SYN3: variants seen among roughly 807,000 people sequenced by gnomAD.
The protein encoded by SYN3 is synapsin III.
In SYN3, 35 loss-of-function variants were observed where a neutral mutation model predicts 65.8. The observed-to-expected ratio is 0.53, with a 90% CI of 0.41 to 0.70. SYN3 has a LOEUF of 0.70. Ranked by LOEUF, SYN3 falls within the 30% of genes least tolerant of loss-of-function variation. The probability of loss-of-function intolerance (pLI) is 0.00; values close to 1 mark genes in which losing one functional copy is unlikely to be tolerated. For missense variants in SYN3, 680 were observed against 749.0 expected, an observed-to-expected ratio of 0.91 and a Z score of 1.08; for synonymous variants, 270 against 292.9, an observed-to-expected ratio of 0.92 and a Z score of 0.80.
At chr22:32,718,425 A>AC (rs1421476189) in intron 6 of SYN3, among the ~76,000 whole-genome samples, 2 of 151,588 alleles carry the variant, frequency 1.3e-5, no homozygotes, top group Non-Finnish European at 1.5e-5. Flanking sequence ...CACTGGTAGG[A>AC]CCCGAGGTGT....
intron 4 of SYN3, among the ~76,000 whole-genome samples, chr22:32,910,967 A>G (rs2050036297): frequency 6.6e-6 from 1 of 152,200 alleles, no homozygotes; most frequent in African/African-American, 2.4e-5. Context: ...TGGAGGGAGA[A>G]CCTGAATCCA....
intron 4 of SYN3, among the ~76,000 whole-genome samples, chr22:32,874,278 G>A (rs988257353): frequency 5.9e-5 from 9 of 152,162 alleles, no homozygotes; most frequent in East Asian, 1.9e-4. Context: ...AAACTGGCAC[G>A]TCCTGGCCGC....
chr22:32,980,607 G>C (rs570393854), intron 3 of SYN3, 38 bp downstream of exon 3: 8 of 1,599,844 alleles, frequency 5.0e-6, no homozygotes, highest in South Asian at 1.1e-5. Context: ...CGGCAGAAAA[G>C]GTCAGTTGAC....
chr22:32,971,858 G>A (rs1351290191), intron 3 of SYN3, among the ~76,000 whole-genome samples: 1 of 152,164 alleles, frequency 6.6e-6, no homozygotes, highest in Non-Finnish European at 1.5e-5. Flanking sequence ...GAAAAGAAAG[G>A]AAGCAGGACT....
At position 32,513,042 on chromosome 22, in the gene SYN3, T is replaced by C. The variant is rs963890823; in HGVS notation, c.*650A>G. 2 of 152,130 alleles carry C rather than the reference T, an allele frequency of 1.3e-5. No homozygotes were observed. Among genetic ancestry groups the C allele is most frequent in the African/African-American group, 4.8e-5 (2 of 41,360 alleles). 9.4% of individuals were successfully genotyped at this position (152,130 alleles called of 1,614,324 possible). On this transcript the variant is annotated 3_prime_UTR_variant, in exon 14 of 14. Coordinates refer to ENST00000358763, the MANE Select transcript of SYN3 (RefSeq NM_003490.4). The stretch of plus-strand genomic sequence containing the variant: ...TACAAGGGCCCCCCTGTTTCTGTCG[T>C]GTTCTGAAAGACCCCACTTGTCATA...
chr22:32,731,619 G>A (rs2061271287), intron 6 of SYN3, among the ~76,000 whole-genome samples: 1 of 152,206 alleles, frequency 6.6e-6, no homozygotes, highest in Admixed American at 6.5e-5. Flanking sequence ...GCCAGCAAGT[G>A]TCATGGGGTG....
At position 32,515,450 on chromosome 22, in the gene SYN3, GGTT is replaced by G. The variant is rs2057755612; in HGVS notation, c.1611-1629_1611-1627del. Among the ~76,000 whole-genome samples the G allele has an allele frequency of 2.0e-5, 3 of 152,318 alleles. 1 individual carries two copies. The highest frequency in any genetic ancestry group is 6.8e-3 in the Middle Eastern group (2 of 294). On this transcript the variant is annotated intron_variant, in intron 13 of 13. Coordinates refer to ENST00000358763, the MANE Select transcript of SYN3 (RefSeq NM_003490.4). ...CAGCGAGGTTAGGCAACTTATCTGA[GGTT>G]GTGTAGTTTTTAAGTGGTGGAGCTA... is the stretch of plus-strand genomic sequence containing the variant.
chr22:33,053,815 C>G (rs59148349), intron 1 of SYN3, among the ~76,000 whole-genome samples: 3,270 of 152,246 alleles, frequency 0.021, 79 homozygotes, highest in East Asian at 0.076. Flanking sequence ...TTCCTGTTTA[C>G]TGGATAAACT....
At chr22:32,831,532 T>A (rs1262438759) in intron 6 of SYN3, among the ~76,000 whole-genome samples, 1 of 152,136 alleles carries the variant, frequency 6.6e-6, no homozygotes, top group Non-Finnish European at 1.5e-5. Flanking sequence ...TAAAGCCTGG[T>A]CCCCATGGAG....
At chr22:32,926,154 G>A (rs2050464309) in intron 4 of SYN3, among the ~76,000 whole-genome samples, 3 of 152,232 alleles carry the variant, frequency 2.0e-5, no homozygotes, top group Middle Eastern at 3.4e-3. Context: ...GCCCAGCCGG[G>A]ATAGATGTTC....
chr22:32,756,311 T>C (rs1402319645), intron 6 of SYN3, among the ~76,000 whole-genome samples: 24 of 151,984 alleles, frequency 1.6e-4, no homozygotes, highest in Non-Finnish European at 1.6e-4. Context: ...TTAGGAGATA[T>C]ACCTAATGTT....
intron 3 of SYN3, among the ~76,000 whole-genome samples, chr22:32,940,943 C>T (rs2050918303): frequency 6.6e-6 from 1 of 152,172 alleles, no homozygotes; most frequent in African/African-American, 2.4e-5. Context: ...ACTGGTCAAT[C>T]ATATGACCTC....
chr22:32,770,803 G>A (rs1466083478), intron 6 of SYN3, among the ~76,000 whole-genome samples: 1 of 151,678 alleles, frequency 6.6e-6, no homozygotes, highest in Non-Finnish European at 1.5e-5. Context: ...AGGATGCTGG[G>A]AGGATTAAAT....
At chr22:32,818,110 TC>T (rs1162763932) in intron 6 of SYN3, among the ~76,000 whole-genome samples, 6 of 151,844 alleles carry the variant, frequency 4.0e-5, no homozygotes, top group Non-Finnish European at 5.9e-5. Flanking sequence ...AGCAACAAAA[TC>T]CCCCCAAAAA....
At chr22:33,036,235 C>A (rs1039203476) in intron 1 of SYN3, among the ~76,000 whole-genome samples, 5 of 152,182 alleles carry the variant, frequency 3.3e-5, no homozygotes, top group African/African-American at 1.2e-4. Flanking sequence ...TTTTCCCAGA[C>A]GTGCCCTGAA....
chr22:32,982,165 A>C (rs2052391436), intron 2 of SYN3, among the ~76,000 whole-genome samples: 1 of 152,230 alleles, frequency 6.6e-6, no homozygotes, highest in Non-Finnish European at 1.5e-5. Context: ...TATTCAAAAA[A>C]GGGAATCCTA....
chr22:32,718,591 A>G (rs1468012145), intron 6 of SYN3, among the ~76,000 whole-genome samples: 2 of 152,172 alleles, frequency 1.3e-5, no homozygotes, highest in Middle Eastern at 3.4e-3. Flanking sequence ...CAATTGATTT[A>G]TATGTTCAAG....
chr22:32,758,725 G>T (rs1202997057), intron 6 of SYN3, among the ~76,000 whole-genome samples: 5 of 78,266 alleles, frequency 6.4e-5, no homozygotes, highest in African/African-American at 1.7e-4. Flanking sequence ...TGTCCCTCTT[G>T]GGAACCCTGA....
At chr22:32,574,288 T>G (rs989741949) in intron 7 of SYN3, among the ~76,000 whole-genome samples, 2 of 152,158 alleles carry the variant, frequency 1.3e-5, no homozygotes, top group South Asian at 2.1e-4. Context: ...AAGATCACCC[T>G]GGACAACATA....
Sources: gnomAD v4.1 joint callset for allele counts (sites outside exome capture counted in the v4.1 genomes callset) on GRCh38, gnomAD v4.1.1 for gene constraint, MANE v1.5 for transcripts, NCBI Gene and HGNC (gene_info 2026-07-23, HGNC 2026-07-21) for gene names.